The following SGCD variants were observed in gnomAD, a reference collection of about 807,000 sequenced individuals.
SGCD encodes the protein delta-sarcoglycan.
Under a neutral mutation model 36.6 loss-of-function variants are expected in SGCD, and 18 were observed. That is an observed-to-expected ratio of 0.49 (90% CI 0.34 to 0.73). The LOEUF (loss-of-function observed/expected upper bound fraction) is 0.73, where lower values mean the gene tolerates loss of function less well. SGCD is among the 30% of genes least tolerant of loss of function. The pLI, the probability that SGCD is intolerant of heterozygous loss-of-function variation, is 0.01. For missense variants in SGCD, 387 were observed against 346.7 expected (o/e 1.12, Z -0.92); for synonymous variants, 133 against 130.6 (o/e 1.02, Z -0.12).
At chr5:156,250,177 A>T (rs1375902404) in intron 3 of SGCD, among the ~76,000 whole-genome samples, 1 of 152,042 alleles carries the variant, frequency 6.6e-6, no homozygotes, top group African/African-American at 2.4e-5. Context: ...CTTTTTTGTC[A>T]TTTACTATGA....
intron 3 of SGCD, among the ~76,000 whole-genome samples, chr5:156,261,664 G>C (rs1765870280): frequency 6.6e-6 from 1 of 152,102 alleles, no homozygotes; most frequent in Non-Finnish European, 1.5e-5. Context: ...CCTCAGGCAT[G>C]TCGTTCAGGA....
the SGCD span, among the ~76,000 whole-genome samples, chr5:155,757,826 G>A: frequency 4.6e-5 from 7 of 152,228 alleles, no homozygotes; most frequent in South Asian, 2.1e-4. Flanking sequence ...TGTGGGAAGC[G>A]CCCCATGGAA....
At chr5:156,236,062 G>A (rs1765155846) in intron 3 of SGCD, among the ~76,000 whole-genome samples, 1 of 152,128 alleles carries the variant, frequency 6.6e-6, no homozygotes, top group South Asian at 2.1e-4. Flanking sequence ...CTTATTTTTA[G>A]AATAGATCAT....
intron 1 of SGCD, among the ~76,000 whole-genome samples, chr5:155,977,153 A>T (rs1447895283): frequency 1.3e-5 from 2 of 152,094 alleles, no homozygotes; most frequent in Admixed American, 1.3e-4. Flanking sequence ...GCAGGGAAGC[A>T]CCTCATCATT....
intron 3 of SGCD, among the ~76,000 whole-genome samples, chr5:156,396,164 G>A (rs1221953704): frequency 6.6e-6 from 1 of 152,142 alleles, no homozygotes; most frequent in Non-Finnish European, 1.5e-5. Context: ...CCCCTGGAAC[G>A]ATTTAATTTC....
intron 3 of SGCD, among the ~76,000 whole-genome samples, chr5:156,141,431 T>C (rs1368821941): frequency 1.3e-5 from 2 of 152,212 alleles, no homozygotes; most frequent in African/African-American, 2.4e-5. Flanking sequence ...AGAACTGATA[T>C]GTGGGCTGCT....
chr5:156,499,011 C>T lies in SGCD; in HGVS notation c.193-9590C>T, dbSNP rs189962729. ...TGGAAACTCCCAAAAGGAAGGAATGCAATCTGCAACTCTTCTTGCCTTTTC... is the reference window on the plus strand; with the variant it reads ...TGGAAACTCCCAAAAGGAAGGAATGTAATCTGCAACTCTTCTTGCCTTTTC... On this transcript the variant is annotated intron_variant, in intron 3 of 8. Coordinates refer to ENST00000337851, the MANE Select transcript of SGCD (RefSeq NM_000337.6). 2.9e-3 allele frequency among the ~76,000 whole-genome samples: 434 copies of T among 150,552 alleles called. 4 individuals carry two copies. Among genetic ancestry groups the T allele is most frequent in the African/African-American group, 9.2e-3 (379 of 41,016 alleles).
intron 1 of SGCD, among the ~76,000 whole-genome samples, chr5:155,889,307 A>T (rs1756073269): frequency 6.6e-6 from 1 of 152,296 alleles, no homozygotes; most frequent in Admixed American, 6.5e-5. Context: ...CTCATTTATA[A>T]TCTTTGTAGG....
At chr5:156,579,484 G>C (rs188946745) in intron 4 of SGCD, among the ~76,000 whole-genome samples, 6 of 152,170 alleles carry the variant, frequency 3.9e-5, no homozygotes, top group African/African-American at 1.4e-4. Context: ...CTTCTGTCTC[G>C]TTGATCTGTC....
intron 3 of SGCD, among the ~76,000 whole-genome samples, chr5:156,508,287 C>T (rs1756789100): frequency 6.6e-6 from 1 of 152,138 alleles, no homozygotes; most frequent in Non-Finnish European, 1.5e-5. Flanking sequence ...TCTCCTCCTA[C>T]TTACCTTCTC....
intron 3 of SGCD, among the ~76,000 whole-genome samples, chr5:156,151,138 G>T (rs1056447875): frequency 2.6e-5 from 4 of 151,666 alleles, no homozygotes; most frequent in Non-Finnish European, 5.9e-5. Context: ...AAGAAGTGGG[G>T]TCAGAGAGAG....
chr5:156,649,595 G>A (rs1383097327), intron 7 of SGCD, among the ~76,000 whole-genome samples: 1 of 151,428 alleles, frequency 6.6e-6, no homozygotes, highest in Non-Finnish European at 1.5e-5. Context: ...ATCATTCTCA[G>A]CAAACTATCA....
chr5:156,164,037 A>G (rs1343423732), intron 3 of SGCD, among the ~76,000 whole-genome samples: 1 of 150,934 alleles, frequency 6.6e-6, no homozygotes, highest in East Asian at 1.9e-4. Context: ...AAAAAAAAAA[A>G]AAAAGAAATC....
At chr5:155,752,468 C>T in the SGCD span, among the ~76,000 whole-genome samples, 1 of 152,150 alleles carries the variant, frequency 6.6e-6, no homozygotes, top group Non-Finnish European at 1.5e-5. Context: ...CTTACTCAGG[C>T]CAATCTTTCT....
At chr5:155,871,040 C>T (rs1280257861) in intron 1 of SGCD, among the ~76,000 whole-genome samples, 2 of 151,738 alleles carry the variant, frequency 1.3e-5, no homozygotes, top group African/African-American at 4.8e-5. Context: ...TGATTGATTT[C>T]GGTTTTTTTT....
chr5:156,582,823 A>ACGCATGTGCACGCGCG (rs1760331988), intron 4 of SGCD, among the ~76,000 whole-genome samples: 1 of 146,536 alleles, frequency 6.8e-6, no homozygotes, highest in Admixed American at 6.6e-5. Context: ...GTGCACGCGC[A>ACGCATGTGCACGCGCG]CACACACACA....
At chr5:156,685,143 G>A (rs1753859195) in intron 7 of SGCD, among the ~76,000 whole-genome samples, 1 of 152,124 alleles carries the variant, frequency 6.6e-6, no homozygotes, top group Non-Finnish European at 1.5e-5. Flanking sequence ...TAAAGGAAAG[G>A]GGCAGATGCT....
chr5:156,632,209 C>T (rs1188290004), intron 6 of SGCD, among the ~76,000 whole-genome samples: 2 of 152,018 alleles, frequency 1.3e-5, no homozygotes, highest in Non-Finnish European at 2.9e-5. Context: ...GCTTGGGTCA[C>T]ATGCCCCTAG....
At chr5:156,361,249 G>T (rs1769777837) in intron 3 of SGCD, among the ~76,000 whole-genome samples, 1 of 152,180 alleles carries the variant, frequency 6.6e-6, no homozygotes, top group Admixed American at 6.5e-5. Flanking sequence ...CCAATGAAGG[G>T]GCCAAGAAAA....
Sources: gnomAD v4.1 joint callset for allele counts (sites outside exome capture counted in the v4.1 genomes callset) on GRCh38, gnomAD v4.1.1 for gene constraint, MANE v1.5 for transcripts, NCBI Gene and HGNC (gene_info 2026-07-23, HGNC 2026-07-21) for gene names.